The following AAK1 variants were observed in gnomAD, a reference collection of about 807,000 sequenced individuals.
The protein encoded by AAK1 is AP2-associated protein kinase 1.
AAK1 carries 37 observed loss-of-function variants against 116.0 expected under a neutral mutation model. The observed-to-expected ratio is 0.32, with a 90% CI of 0.25 to 0.42. The LOEUF (loss-of-function observed/expected upper bound fraction) is 0.42. Ranked by LOEUF, AAK1 falls within the 10% of genes least tolerant of loss-of-function variation. AAK1 has a pLI of 1.00. For synonymous variants in AAK1, 458 were observed against 439.9 expected (o/e 1.04, Z -0.51); for missense variants, 919 against 1,170.6 (o/e 0.79, Z 3.14).
At chr2:69,488,319 A>G (rs1462238084) in intron 17 of AAK1, among the ~76,000 whole-genome samples, 1 of 152,112 alleles carries the variant, frequency 6.6e-6, no homozygotes, top group African/African-American at 2.4e-5. Flanking sequence ...CTAAATCTAG[A>G]AAATAAGTTG....
chr2:69,507,967 A>C (rs923973993), intron 14 of AAK1, among the ~76,000 whole-genome samples: 5 of 152,190 alleles, frequency 3.3e-5, no homozygotes, highest in African/African-American at 1.2e-4. Flanking sequence ...TTGGCCTCCC[A>C]AAGTGCTAGG....
At chr2:69,531,986 G>A (rs1670278524) in intron 6 of AAK1, 55 bp downstream of exon 6, 1 of 1,603,034 alleles carries the variant, frequency 6.2e-7, no homozygotes, top group Non-Finnish European at 8.5e-7. Context: ...TAAGCTGAAG[G>A]TAAAGTTGCT....
intron 3 of AAK1, among the ~76,000 whole-genome samples, chr2:69,555,113 G>C (rs772254781): frequency 6.6e-6 from 1 of 152,198 alleles, no homozygotes; most frequent in South Asian, 2.1e-4. Flanking sequence ...GAAACAAAGC[G>C]TGTGAGAGCT....
chr2:69,482,899 C>T (rs776773544), intron 17 of AAK1, 87 bp from the exon 18 acceptor site: 31 of 761,926 alleles, frequency 4.1e-5, no homozygotes, highest in Non-Finnish European at 6.5e-5. Flanking sequence ...TAAGCAAACA[C>T]ATTTTAGGGG....
intron 2 of AAK1, among the ~76,000 whole-genome samples, chr2:69,603,184 T>C (rs1673653216): frequency 6.6e-6 from 1 of 152,240 alleles, no homozygotes; most frequent in African/African-American, 2.4e-5. Flanking sequence ...TTTAAATGTT[T>C]ATTTTTCCAG....
Position 69,603,740 on chromosome 2 carries a change from AATC to A in AAK1, c.163+39135_163+39137del, listed in dbSNP as rs144591529. ...TTAAGGAGATACTGTGCAGAATTAA[AATC>A]ATCATCATCATCATCATCATCATCT... On this transcript the variant is annotated intron_variant, in intron 2 of 21. Coordinates refer to ENST00000409085, the MANE Select transcript of AAK1 (RefSeq NM_014911.5). Among the ~76,000 whole-genome samples, 238 of 151,850 alleles carry A rather than the reference AATC, an allele frequency of 1.6e-3. 2 individuals are homozygous for A. Among genetic ancestry groups the A allele is most frequent in the African/African-American group, 5.4e-3 (221 of 41,306 alleles).
intron 2 of AAK1, among the ~76,000 whole-genome samples, chr2:69,614,468 C>G (rs1289992566): frequency 6.6e-6 from 1 of 152,138 alleles, no homozygotes. Flanking sequence ...CCGAGAGTGG[C>G]AGCAACAGTG....
At chr2:69,507,707 ATTTTTT>A in intron 14 of AAK1, 129 bp from the exon 15 acceptor site, 2 of 663,410 alleles carry the variant, frequency 3.0e-6, no homozygotes, top group Non-Finnish European at 4.5e-6. Context: ...CCACCACAGT[ATTTTTT>A]TTTTTTTTTT....
intron 2 of AAK1, among the ~76,000 whole-genome samples, chr2:69,612,834 G>A (rs935495581): frequency 6.6e-6 from 1 of 152,220 alleles, no homozygotes; most frequent in African/African-American, 2.4e-5. Context: ...CAAAGGCTCT[G>A]TGTCTTCCAC....
chr2:69,488,253 C>A (rs1382289378), intron 17 of AAK1, among the ~76,000 whole-genome samples: 1 of 151,628 alleles, frequency 6.6e-6, no homozygotes, highest in Non-Finnish European at 1.5e-5. Context: ...ATCAGTTGTA[C>A]CCCAAACCTC....
At chr2:69,571,067 T>A (rs983920850) in intron 2 of AAK1, among the ~76,000 whole-genome samples, 4 of 152,224 alleles carry the variant, frequency 2.6e-5, no homozygotes, top group African/African-American at 9.7e-5. Context: ...TGCATTCTAG[T>A]CTTTCTTGCT....
rs1043018071 is a variant in AAK1 at position 69,458,786 on chromosome 2, A to G, written c.*17083T>C. The G allele has an allele frequency of 1.3e-5, 2 of 152,614 alleles. No individual in the cohort carries two copies. The highest frequency in any genetic ancestry group is 4.8e-5 in the African/African-American group (2 of 41,440). 9.5% of individuals were successfully genotyped at this position (152,614 alleles called of 1,614,324 possible). On this transcript the variant is annotated 3_prime_UTR_variant, in exon 22 of 22. Transcript: ENST00000409085. ...ACTCAAAGAGTACAGCTGATTTGCCATTTCAGAGTGAAAAGGCTGCACTGT... is the reference window on the plus strand; with the variant it reads ...ACTCAAAGAGTACAGCTGATTTGCCGTTTCAGAGTGAAAAGGCTGCACTGT...
At chr2:69,631,143 CCTACGATGCCTTAGTTCCATTCCTT>C (rs1675155645) in intron 2 of AAK1, among the ~76,000 whole-genome samples, 2 of 152,230 alleles carry the variant, frequency 1.3e-5, no homozygotes, top group South Asian at 4.1e-4. Context: ...AAGGACCCAA[CCTACGATGCCTTAGTTCCATTCCTT>C]CTTCCTGTCC....
intron 2 of AAK1, among the ~76,000 whole-genome samples, chr2:69,616,631 C>T (rs79743943): frequency 0.046 from 6,934 of 152,158 alleles, 400 homozygotes; most frequent in East Asian, 0.16. Context: ...CATCCCTGAC[C>T]TCCATTCGTT....
Position 69,509,262 on chromosome 2 carries a change from C to A in AAK1, c.1975G>T (p.Ala659Ser). The change falls in exon 14 of 22, where the codon GCT becomes TCT. Residue 659 changes from alanine to serine, a missense_variant. By Grantham distance (99) the Ala-to-Ser change is moderately conservative (BLOSUM62 1). Coordinates refer to ENST00000409085, the MANE Select transcript of AAK1 (RefSeq NM_014911.5). ...ASKSTQLLQA[A>S]AAEASLNKSK... ...TTATTGAGACTGGCCTCAGCTGCAG[C>A]TGCCTGGAGCAGCTGGGTTGATTTG... 1 of 1,614,010 alleles carries A rather than the reference C, an allele frequency of 6.2e-7. No homozygotes were observed. The highest frequency in any genetic ancestry group is 8.5e-7 in the Non-Finnish European group (1 of 1,179,870).
intron 3 of AAK1, among the ~76,000 whole-genome samples, chr2:69,545,905 AT>A (rs1163616119): frequency 6.6e-5 from 10 of 152,172 alleles, no homozygotes; most frequent in Non-Finnish European, 1.3e-4. Flanking sequence ...CTTGCAGAAC[AT>A]TTGTGCCTAA....
At chr2:69,604,170 A>G (rs79198920) in intron 2 of AAK1, among the ~76,000 whole-genome samples, 1,730 of 152,302 alleles carry the variant, frequency 0.011, 87 homozygotes, top group Admixed American at 0.089. Context: ...ATGCACCTCA[A>G]TGCCTAGCCA....
rs1046623988 is a variant in AAK1 at position 69,598,265 on chromosome 2, C to T, written c.164-41287G>A. On this transcript the variant is annotated intron_variant, in intron 2 of 21. Transcript: ENST00000409085. The stretch of plus-strand genomic sequence containing the variant: ...CCAGAGAAGTTTTTCACAGGTTATC[C>T]TCTGAGTAACAATTATTCCTACAGA... 7.6e-6 allele frequency: 3 copies of T among 393,894 alleles called. No homozygotes were observed. The Admixed American group carries it at 1.2e-4, about 15-fold the overall frequency. The allele number at this position is 393,894 out of a possible 1,614,324, so 24.4% of individuals were successfully genotyped here.
chr2:69,609,474 G>A (rs897180969), intron 2 of AAK1, among the ~76,000 whole-genome samples: 1 of 151,876 alleles, frequency 6.6e-6, no homozygotes, highest in Admixed American at 6.6e-5. Context: ...CTGAGGTCAG[G>A]AGTTTGAGAC....
Sources: allele counts gnomAD v4.1 joint callset (sites outside exome capture counted in the v4.1 genomes callset), GRCh38; gene constraint gnomAD v4.1.1; transcripts MANE v1.5; gene names NCBI Gene and HGNC (gene_info 2026-07-23, HGNC 2026-07-21).